Variants in PWP1 observed in about 807,000 individuals in gnomAD.
PWP1 encodes the protein PWP1 homolog, endonuclein.
PWP1 carries 47 observed loss-of-function variants against 69.9 expected under a neutral mutation model. That is an observed-to-expected ratio of 0.67 (90% CI 0.53 to 0.86). The LOEUF (loss-of-function observed/expected upper bound fraction) is 0.86, where lower values mean the gene tolerates loss of function less well. PWP1 is among the 40% of genes least tolerant of loss of function. PWP1 has a pLI of 0.00. For missense variants in PWP1, 551 were observed against 608.8 expected (o/e 0.91, Z 1.00); for synonymous variants, 222 against 208.2 (o/e 1.07, Z -0.57).
intron 8 of PWP1, among the ~76,000 whole-genome samples, chr12:107,701,839 G>A (rs1326235792): frequency 6.6e-6 from 1 of 151,900 alleles, no homozygotes; most frequent in African/African-American, 2.4e-5. Context: ...CACCATGCCT[G>A]GCTAATTTTT....
chr12:107,710,393 TTCTC>T lies in PWP1; in HGVS notation c.1291-6_1291-3del. The T allele has an allele frequency of 1.2e-6, 2 of 1,612,502 alleles. No homozygotes were observed. Among genetic ancestry groups the T allele is most frequent in the Admixed American group, 3.3e-5 (2 of 59,738 alleles). On this transcript the variant is annotated splice_polypyrimidine_tract_variant and splice_region_variant and intron_variant, in intron 13 of 14. Transcript: ENST00000412830. ...AGAGATTGAAATCACCATCTTCCTGTTCTCTCTCTAGGGAGTTCTCTTCTGTTCT... is the reference window on the plus strand; with the variant it reads ...AGAGATTGAAATCACCATCTTCCTGTTCTCTAGGGAGTTCTCTTCTGTTCT...
At chr12:107,692,718 G>C in intron 3 of PWP1, 96 bp from the exon 4 acceptor site, 1 of 1,008,908 alleles carries the variant, frequency 9.9e-7, no homozygotes, top group Non-Finnish European at 1.5e-6. Context: ...TTATAAAATA[G>C]ATGATTGCAT....
intron 1 of PWP1, among the ~76,000 whole-genome samples, chr12:107,687,773 T>G (rs1889398058): frequency 6.6e-6 from 1 of 151,968 alleles, no homozygotes; most frequent in African/African-American, 2.4e-5. Flanking sequence ...GGCTCACGCC[T>G]GTAATCCCAG....
intron 11 of PWP1, 39 bp from the exon 12 acceptor site, chr12:107,708,887 T>C: frequency 6.4e-7 from 1 of 1,561,628 alleles, no homozygotes; most frequent in South Asian, 1.1e-5. Flanking sequence ...TTAGATTTTG[T>C]GACGTAGCAT....
chr12:107,703,157 T>C, intron 9 of PWP1, 126 bp downstream of exon 9: 1 of 694,236 alleles, frequency 1.4e-6, no homozygotes, highest in South Asian at 1.8e-5. Flanking sequence ...TGCTTTCACA[T>C]GTTATCTCTT....
intron 13 of PWP1, among the ~76,000 whole-genome samples, chr12:107,710,055 T>G (rs182137739): frequency 2.9e-4 from 44 of 152,272 alleles, no homozygotes; most frequent in Non-Finnish European, 5.7e-4. Flanking sequence ...ACTGGCATCA[T>G]TGTTATTGTT....
intron 11 of PWP1, among the ~76,000 whole-genome samples, chr12:107,705,973 T>C (rs1437465442): frequency 1.3e-5 from 2 of 152,200 alleles, no homozygotes; most frequent in African/African-American, 4.8e-5. Flanking sequence ...GGAATTGCCA[T>C]ACTGTCTTCC....
chr12:107,686,499 TTGA>T (rs1008080446), intron 1 of PWP1, among the ~76,000 whole-genome samples: 2 of 152,110 alleles, frequency 1.3e-5, no homozygotes, highest in African/African-American at 4.8e-5. Flanking sequence ...AAGTGAGATG[TTGA>T]TGGTAGCAGG....
intron 13 of PWP1, among the ~76,000 whole-genome samples, chr12:107,709,476 G>T (rs553914383): frequency 1.3e-5 from 2 of 151,492 alleles, no homozygotes; most frequent in Admixed American, 1.3e-4. Context: ...TAAGGCTGGG[G>T]AGAGGGTTTT....
intron 11 of PWP1, among the ~76,000 whole-genome samples, chr12:107,705,255 G>A (rs1329163411): frequency 2.6e-5 from 4 of 151,942 alleles, no homozygotes; most frequent in Admixed American, 6.6e-5. Context: ...AGATTCCACT[G>A]ACATTTCAGT....
In PWP1 at chr12:107,703,000, C is replaced by T; in HGVS notation, c.872C>T (p.Pro291Leu). The change falls in exon 9 of 15, where the codon CCA becomes CTA. Residue 291 changes from proline (P) to leucine (L), a missense_variant. Physicochemically the swap from Pro to Leu is moderately conservative, Grantham distance 98. Transcript: ENST00000412830. ...CTGTGGGATATGTCCTTGGGGAAAC[C>T]AGCAGCTAGCCTCGCTGTACACACA... The part of the protein sequence containing the change: ...VILWDMSLGK[P>L]AASLAVHTDK... 6.2e-7 allele frequency: 1 copy of T among 1,610,430 alleles called. No homozygotes were observed. Among genetic ancestry groups the T allele is most frequent in the Non-Finnish European group, 8.5e-7 (1 of 1,176,730 alleles).
rs1349541757 is a variant in PWP1 at position 107,688,399 on chromosome 12, T to TTGA, written c.73-44_73-42dup. The TTGA allele has an allele frequency of 7.3e-6, 11 of 1,514,354 alleles. No homozygotes were observed. In the Admixed American group the frequency reaches 1.1e-4, roughly 15 times the overall value. 93.8% of individuals were successfully genotyped at this position (1,514,354 alleles called of 1,614,324 possible). On this transcript the variant is annotated intron_variant, in intron 1 of 14. Transcript: ENST00000412830. ...CAAACTACTTTTTAATTCAAATAAT[T>TTGA]TGATGATTTCCTTACACATATTGTA...
chr12:107,707,241 G>A, intron 11 of PWP1, among the ~76,000 whole-genome samples: 1 of 152,168 alleles, frequency 6.6e-6, no homozygotes. Flanking sequence ...TTTGCACATT[G>A]ATTTTGTATC....
rs1889971874 is a variant in PWP1, at chr12:107,712,324, A to G, written c.*104A>G. 1 of 787,512 alleles carries G rather than the reference A, an allele frequency of 1.3e-6. No individual in the cohort carries two copies. The highest frequency in any genetic ancestry group is 2.1e-6 in the Non-Finnish European group (1 of 475,434). 48.8% of individuals were successfully genotyped at this position (787,512 alleles called of 1,614,324 possible). ...AACCATGCAGAGTGACTGAAACACA[A>G]TTCATTTCTGACTGACATTCCTTTC... On this transcript the variant is annotated 3_prime_UTR_variant, in exon 15 of 15. Transcript: ENST00000412830.
chr12:107,708,936 A>G lies in PWP1; in HGVS notation c.1088A>G (p.Asp363Gly). ...TTTTACTCTTTCTAGGCCAGTACAG[A>G]TGACGGCTTTGTATATAATTTGGAT... ...FSPCHFLAST[D>G]DGFVYNLDAR... The change falls in exon 12 of 15, where the codon GAT becomes GGT. Residue 363 changes from aspartate (D) to glycine (G), a missense_variant. By Grantham distance (94) the Asp-to-Gly change is moderately conservative (BLOSUM62 -1). Transcript: ENST00000412830. The G allele has an allele frequency of 6.2e-7, 1 of 1,613,366 alleles. No homozygotes were observed. The highest frequency in any genetic ancestry group is 8.5e-7 in the Non-Finnish European group (1 of 1,179,832).
At position 107,712,094 on chromosome 12, in the gene PWP1, GT is replaced by G. The variant is rs746471222; in HGVS notation, c.1397-14del. Reference sequence around the variant, plus strand: ...TTCCTGATCTGTTAGTTTCTTACCTGTTTATTTGTATTTTAGTAAATGAAGC... The same window carrying G: ...TTCCTGATCTGTTAGTTTCTTACCTGTTATTTGTATTTTAGTAAATGAAGC... On this transcript the variant is annotated splice_polypyrimidine_tract_variant and intron_variant, in intron 14 of 14. Transcript: ENST00000412830. 2 of 1,596,492 alleles carry G rather than the reference GT, an allele frequency of 1.3e-6. No homozygotes were observed. Among genetic ancestry groups the G allele is most frequent in the Non-Finnish European group, 8.6e-7 (1 of 1,164,308 alleles).
In PWP1 at chr12:107,687,043, T is replaced by C. The variant is rs576509313; in HGVS notation, c.72+1072T>C. On this transcript the variant is annotated intron_variant, in intron 1 of 14. Transcript: ENST00000412830. ...TTTATGGAGTCGACATGTGCACATA[T>C]AGTATGTCAGTGGGAGTTAAGTTCT... Among the ~76,000 whole-genome samples the C allele has an allele frequency of 6.5e-4, 96 of 146,640 alleles. 2 individuals carry two copies. Among genetic ancestry groups the C allele is most frequent in the Non-Finnish European group, 1.1e-3 (73 of 66,984 alleles).
intron 9 of PWP1, 49 bp from the exon 10 acceptor site, chr12:107,703,636 C>T (rs758970054): frequency 1.8e-5 from 27 of 1,498,870 alleles, no homozygotes; most frequent in South Asian, 3.4e-5. Context: ...GGTAATTTTA[C>T]GAAAAGCAAA....
At chr12:107,703,556 CTTTT>C (rs1555257756) in intron 9 of PWP1, 125 bp from the exon 10 acceptor site, 3 of 781,166 alleles carry the variant, frequency 3.8e-6, no homozygotes, top group South Asian at 3.3e-5. Flanking sequence ...ATTTATGTTT[CTTTT>C]GTTTACTGTA....
Sources: allele counts gnomAD v4.1 joint callset (sites outside exome capture counted in the v4.1 genomes callset), GRCh38; gene constraint gnomAD v4.1.1; transcripts MANE v1.5; gene names NCBI Gene and HGNC (gene_info 2026-07-23, HGNC 2026-07-21).